The following EFHD2 variants were observed in gnomAD, a reference collection of about 807,000 sequenced individuals.
EFHD2 encodes EF-hand domain-containing protein D2.
Under a neutral mutation model 20.3 loss-of-function variants are expected in EFHD2, and 12 were observed. The ratio of observed to expected loss-of-function variants is 0.59; its 90% CI spans 0.38 to 0.96. The LOEUF (loss-of-function observed/expected upper bound fraction) is 0.96, where lower values mean the gene tolerates loss of function less well. Among genes scored for constraint, EFHD2 ranks in the 40% least tolerant of loss-of-function variants. EFHD2 has a pLI of 0.00. For synonymous variants in EFHD2, 131 were observed against 143.9 expected, an observed-to-expected ratio of 0.91 and a Z score of 0.64; for missense variants, 250 against 334.3, an observed-to-expected ratio of 0.75 and a Z score of 1.97.
At chr1:15,416,684 C>T (rs969155468) in intron 1 of EFHD2, among the ~76,000 whole-genome samples, 2 of 151,002 alleles carry the variant, frequency 1.3e-5, no homozygotes, top group Non-Finnish European at 2.9e-5. Context: ...GGATTTGAAC[C>T]TGGGCCTCCC....
chr1:15,412,347 C>A (rs190134380), intron 1 of EFHD2, among the ~76,000 whole-genome samples: 2 of 152,214 alleles, frequency 1.3e-5, no homozygotes, highest in Admixed American at 1.3e-4. Context: ...CTCACCAGGT[C>A]CCTCAAACAG....
chr1:15,416,137 C>A (rs867556273), intron 1 of EFHD2, among the ~76,000 whole-genome samples: 1 of 152,212 alleles, frequency 6.6e-6, no homozygotes, highest in African/African-American at 2.4e-5. Flanking sequence ...CTTCCCCACA[C>A]CCCCGGCCCA....
At chr1:15,428,001 A>G in intron 3 of EFHD2, 1 of 471,120 alleles carries the variant, frequency 2.1e-6, no homozygotes, top group South Asian at 1.5e-5. Flanking sequence ...CAGCAGCCAC[A>G]GAATATAGGT....
chr1:15,426,006 G>A lies in EFHD2; in HGVS notation c.444G>A (p.Leu148=), dbSNP rs1331666061. 1 of 1,582,736 alleles carries A rather than the reference G, an allele frequency of 6.3e-7. No homozygotes were observed. The highest frequency in any genetic ancestry group is 1.2e-5 in the South Asian group (1 of 86,652). Residue 148 remains leucine (L), a synonymous_variant, in exon 2 of 4, where the codon CTG becomes CTA. Transcript: ENST00000375980. The surrounding 1 kb of genome is among the most constrained non-coding windows in gnomAD (Gnocchi z 4.6). The part of the protein sequence containing the change: ...KEVDEDFDSK[L]SFREFLLIFR... ...TGGATGAGGACTTTGACAGCAAGCT[G>A]AGCTTCCGGGAGGTAAGCCCGGCCC...
intron 1 of EFHD2, among the ~76,000 whole-genome samples, chr1:15,417,602 C>G (rs945499968): frequency 5.3e-5 from 8 of 152,224 alleles, no homozygotes; most frequent in African/African-American, 1.9e-4. Flanking sequence ...CCATACCCCA[C>G]TTAGCTGAAC....
chr1:15,411,529 G>A (rs1707515755), intron 1 of EFHD2, among the ~76,000 whole-genome samples: 1 of 152,184 alleles, frequency 6.6e-6, no homozygotes, highest in South Asian at 2.1e-4. Flanking sequence ...GGATGGGGAA[G>A]GTGCCAGTGC....
intron 1 of EFHD2, among the ~76,000 whole-genome samples, chr1:15,416,976 A>AT (rs765405291): frequency 6.3e-4 from 96 of 151,704 alleles, no homozygotes; most frequent in Non-Finnish European, 8.7e-4. Context: ...CATCCAGCTA[A>AT]TTTTTTTTTA....
chr1:15,411,635 G>A (rs1707519683), intron 1 of EFHD2, among the ~76,000 whole-genome samples: 1 of 152,216 alleles, frequency 6.6e-6, no homozygotes, highest in South Asian at 2.1e-4. Context: ...CTGGGTGCTG[G>A]TCTGGAGTGG....
chr1:15,415,053 A>G (rs1707633785), intron 1 of EFHD2, among the ~76,000 whole-genome samples: 1 of 152,308 alleles, frequency 6.6e-6, no homozygotes, highest in Non-Finnish European at 1.5e-5. Context: ...CGAGCCCATC[A>G]TGGTGTCTGG....
At position 15,429,012 on chromosome 1, in the gene EFHD2, C is replaced by T. The variant is rs953159301; in HGVS notation, c.*288C>T. 13 of 397,032 alleles carry T rather than the reference C, an allele frequency of 3.3e-5. No homozygotes were observed. Among genetic ancestry groups the T allele is most frequent in the South Asian group, 1.8e-4 (8 of 45,124 alleles). 24.6% of individuals were successfully genotyped at this position (397,032 alleles called of 1,614,324 possible). A position where few individuals can be genotyped will look rare whatever the true frequency, so the allele number is the denominator to read the frequency against. ...ACCCCTAACTGCCCCCTGCCTGCTC[C>T]GGCACTGCCCCAGGCCCAGCTCCTG... On this transcript the variant is annotated 3_prime_UTR_variant, in exon 4 of 4. Transcript: ENST00000375980.
At chr1:15,416,028 G>A (rs1174373442) in intron 1 of EFHD2, among the ~76,000 whole-genome samples, 1 of 152,060 alleles carries the variant, frequency 6.6e-6, no homozygotes, top group African/African-American at 2.4e-5. Flanking sequence ...AGTGGGTGGG[G>A]AGAATGCCCT....
intron 1 of EFHD2, among the ~76,000 whole-genome samples, chr1:15,422,572 T>G (rs1436595731): frequency 6.6e-6 from 1 of 151,896 alleles, no homozygotes; most frequent in African/African-American, 2.4e-5. Context: ...TAAGAGATGC[T>G]GCATTTTGGC....
At chr1:15,419,804 C>G (rs1173552346) in intron 1 of EFHD2, among the ~76,000 whole-genome samples, 2 of 152,182 alleles carry the variant, frequency 1.3e-5, no homozygotes. Context: ...CGTGGAACCT[C>G]GTTCTCTCCT....
At chr1:15,428,023 A>G (rs1317972878) in intron 3 of EFHD2, 1 of 470,522 alleles carries the variant, frequency 2.1e-6, no homozygotes, top group South Asian at 1.6e-5. Flanking sequence ...CTCTATTTCA[A>G]TCCTCTCAAC....
intron 1 of EFHD2, among the ~76,000 whole-genome samples, chr1:15,424,640 T>C (rs141678269): frequency 2.4e-4 from 36 of 152,318 alleles, no homozygotes; most frequent in African/African-American, 8.7e-4. Flanking sequence ...TCCTGCCACC[T>C]GGCCCTGCCT....
intron 1 of EFHD2, among the ~76,000 whole-genome samples, chr1:15,421,479 C>T (rs1419141874): frequency 6.6e-6 from 1 of 152,166 alleles, no homozygotes; most frequent in Non-Finnish European, 1.5e-5. Context: ...CCTGTATTGT[C>T]CCCCTGGGGG....
At chr1:15,420,295 T>C (rs1455407341) in intron 1 of EFHD2, among the ~76,000 whole-genome samples, 1 of 152,246 alleles carries the variant, frequency 6.6e-6, no homozygotes, top group Non-Finnish European at 1.5e-5. Flanking sequence ...AAGGACTCAC[T>C]ATGTGCCAGG....
At chr1:15,420,567 T>C (rs753125850) in intron 1 of EFHD2, among the ~76,000 whole-genome samples, 25 of 152,110 alleles carry the variant, frequency 1.6e-4, no homozygotes, top group Admixed American at 1.3e-4. Context: ...TCACCCAGGC[T>C]GGAGTGCAGT....
Position 15,428,905 on chromosome 1 carries a change from T to G in EFHD2, c.*181T>G. 1 of 911,036 alleles carries G rather than the reference T, an allele frequency of 1.1e-6. No homozygotes were observed. Among genetic ancestry groups the G allele is most frequent in the Middle Eastern group, 3.7e-4 (1 of 2,720 alleles). 56.4% of individuals were successfully genotyped at this position (911,036 alleles called of 1,614,324 possible). A position where few individuals can be genotyped will look rare whatever the true frequency, so the allele number is the denominator to read the frequency against. ...GGTGGCCCGGCCCCTCCCCGCTCCCTTCCACTCTGCACGAGGCCGCCACAC... is the reference window on the plus strand; with the variant it reads ...GGTGGCCCGGCCCCTCCCCGCTCCCGTCCACTCTGCACGAGGCCGCCACAC... On this transcript the variant is annotated 3_prime_UTR_variant, in exon 4 of 4. Coordinates refer to ENST00000375980, the MANE Select transcript of EFHD2 (RefSeq NM_024329.6).
Sources: gnomAD v4.1 joint callset for allele counts (sites outside exome capture counted in the v4.1 genomes callset) on GRCh38, gnomAD v4.1.1 for gene constraint, Gnocchi (gnomAD v3.1) non-coding constraint, MANE v1.5 for transcripts, NCBI Gene and HGNC (gene_info 2026-07-23, HGNC 2026-07-21) for gene names.